Variants in ITPR2 observed in about 807,000 individuals in gnomAD.
ITPR2 encodes the protein inositol 1,4,5-trisphosphate-gated calcium channel ITPR2.
In ITPR2, 207 loss-of-function variants were observed where a neutral mutation model predicts 317.1. The observed-to-expected ratio is 0.65, with a 90% CI of 0.58 to 0.73. ITPR2 has a LOEUF of 0.73. Ranked by LOEUF, ITPR2 falls within the 30% of genes least tolerant of loss-of-function variation. ITPR2 has a pLI of 0.00. For missense variants in ITPR2, 2,613 were observed against 3,284.0 expected, an observed-to-expected ratio of 0.80 and a Z score of 4.99; for synonymous variants, 1,156 against 1,149.1, an observed-to-expected ratio of 1.01 and a Z score of -0.12.
At chr12:26,826,032 C>T (rs1234628476) in intron 1 of ITPR2, among the ~76,000 whole-genome samples, 2 of 152,110 alleles carry the variant, frequency 1.3e-5, no homozygotes, top group Non-Finnish European at 2.9e-5. Flanking sequence ...TTGGAAGATA[C>T]TAAACATCTT....
In ITPR2 at chr12:26,631,884, C is replaced by T. The variant is rs772983698; in HGVS notation, c.2916G>A (p.Lys972=). Residue 972 remains lysine (K), a synonymous_variant, in exon 22 of 57, where the codon AAG becomes AAA. Transcript: ENST00000381340. ...EDVTVMDTKL[K]IIEILQFILS... ...AACACACCTGCAAAATCTCAATGATCTTCAGCTTGGTGTCCATCACAGTCA... is the reference window on the plus strand; with the variant it reads ...AACACACCTGCAAAATCTCAATGATTTTCAGCTTGGTGTCCATCACAGTCA... 2 of 1,613,860 alleles carry T rather than the reference C, an allele frequency of 1.2e-6. No homozygotes were observed. Among genetic ancestry groups the T allele is most frequent in the African/African-American group, 2.7e-5 (2 of 74,900 alleles).
chr12:26,488,046 C>T (rs1164162385), intron 39 of ITPR2, among the ~76,000 whole-genome samples: 3 of 152,084 alleles, frequency 2.0e-5, no homozygotes, highest in African/African-American at 7.2e-5. Flanking sequence ...TTCTTGCCTG[C>T]TCAATGCCTT....
At chr12:26,543,343 T>A (rs540513948) in intron 37 of ITPR2, among the ~76,000 whole-genome samples, 244 of 151,952 alleles carry the variant, frequency 1.6e-3, no homozygotes, top group African/African-American at 5.6e-3. Context: ...AGCACACACA[T>A]ACTATCAGAT....
chr12:26,617,619 AAAG>A (rs972354003), intron 26 of ITPR2, among the ~76,000 whole-genome samples: 18 of 151,810 alleles, frequency 1.2e-4, no homozygotes, highest in East Asian at 5.8e-4. Context: ...AGAGGAAAGA[AAAG>A]AAGAAAAGGA....
intron 37 of ITPR2, among the ~76,000 whole-genome samples, chr12:26,499,164 T>C (rs1388804967): frequency 6.6e-6 from 1 of 152,114 alleles, no homozygotes; most frequent in East Asian, 1.9e-4. Flanking sequence ...AACCAAAGAG[T>C]AGAATTATGT....
At chr12:26,465,567 G>T (rs955103498) in intron 45 of ITPR2, among the ~76,000 whole-genome samples, 1 of 152,084 alleles carries the variant, frequency 6.6e-6, no homozygotes. Flanking sequence ...AAACGAGGGA[G>T]AACAGAGGGA....
intron 36 of ITPR2, among the ~76,000 whole-genome samples, chr12:26,554,903 G>A (rs985450506): frequency 2.0e-5 from 3 of 151,936 alleles, no homozygotes; most frequent in South Asian, 2.1e-4. Flanking sequence ...AATGAACTGC[G>A]CTCAACACCC....
intron 9 of ITPR2, among the ~76,000 whole-genome samples, chr12:26,699,290 A>G (rs1384859433): frequency 2.6e-5 from 4 of 152,188 alleles, no homozygotes; most frequent in East Asian, 3.9e-4. Context: ...GTTACCTTCT[A>G]CAATCAGTCT....
At chr12:26,476,266 T>C (rs1942414576) in intron 44 of ITPR2, among the ~76,000 whole-genome samples, 1 of 152,114 alleles carries the variant, frequency 6.6e-6, no homozygotes, top group Non-Finnish European at 1.5e-5. Context: ...CTGATGTGAG[T>C]GGGGCTTAAT....
intron 1 of ITPR2, among the ~76,000 whole-genome samples, chr12:26,821,306 G>A (rs1354940798): frequency 2.0e-5 from 3 of 152,148 alleles, no homozygotes; most frequent in African/African-American, 7.2e-5. Flanking sequence ...GATTTCCCCG[G>A]TAGCCAGATC....
intron 23 of ITPR2, among the ~76,000 whole-genome samples, chr12:26,625,634 C>T (rs1049595482): frequency 1.3e-5 from 2 of 152,080 alleles, no homozygotes; most frequent in Non-Finnish European, 2.9e-5. Context: ...GCACCAGTTA[C>T]AAAGGTGCCT....
intron 34 of ITPR2, among the ~76,000 whole-genome samples, chr12:26,566,397 A>G (rs1450330403): frequency 7.5e-6 from 1 of 133,028 alleles, no homozygotes; most frequent in Non-Finnish European, 1.6e-5. Flanking sequence ...GGAGAGGAGA[A>G]GGAAAGGAGA....
At chr12:26,531,674 CACACACACAA>C (rs918532778) in intron 37 of ITPR2, among the ~76,000 whole-genome samples, 9 of 151,344 alleles carry the variant, frequency 5.9e-5, no homozygotes, top group African/African-American at 1.5e-4. Flanking sequence ...CACACACACA[CACACACACAA>C]GTGTGTATCT....
chr12:26,824,365 C>A (rs957322623), intron 1 of ITPR2, among the ~76,000 whole-genome samples: 1 of 152,114 alleles, frequency 6.6e-6, no homozygotes, highest in Non-Finnish European at 1.5e-5. Flanking sequence ...CATCTGTATA[C>A]ATTTACTACA....
At chr12:26,637,821 C>G (rs1946896969) in intron 21 of ITPR2, among the ~76,000 whole-genome samples, 1 of 152,114 alleles carries the variant, frequency 6.6e-6, no homozygotes. Context: ...AATATTGACT[C>G]TAAATGGAGA....
chr12:26,379,182 C>G (rs1939431816), intron 55 of ITPR2, among the ~76,000 whole-genome samples: 1 of 152,168 alleles, frequency 6.6e-6, no homozygotes, highest in African/African-American at 2.4e-5. Context: ...CCTCTCGGAG[C>G]CTCAGTTTCC....
intron 26 of ITPR2, among the ~76,000 whole-genome samples, chr12:26,608,106 G>A (rs934060446): frequency 1.3e-5 from 2 of 152,106 alleles, no homozygotes; most frequent in Non-Finnish European, 1.5e-5. Context: ...GGGCGACAGA[G>A]TGAGACTCTG....
At chr12:26,428,877 A>T (rs1230821289) in intron 48 of ITPR2, among the ~76,000 whole-genome samples, 1 of 152,238 alleles carries the variant, frequency 6.6e-6, no homozygotes, top group East Asian at 1.9e-4. Context: ...AAGTAAATTA[A>T]GAGGCAACAT....
intron 34 of ITPR2, among the ~76,000 whole-genome samples, chr12:26,576,433 T>C (rs2137066207): frequency 6.6e-6 from 1 of 152,334 alleles, no homozygotes; most frequent in African/African-American, 2.4e-5. Context: ...TGATACATAT[T>C]GTGACCACTT....
Sources: allele counts gnomAD v4.1 joint callset (sites outside exome capture counted in the v4.1 genomes callset), GRCh38; gene constraint gnomAD v4.1.1; transcripts MANE v1.5; gene names NCBI Gene and HGNC (gene_info 2026-07-23, HGNC 2026-07-21).